The following FRMD4A variants were observed in gnomAD, a reference collection of about 807,000 sequenced individuals.
FRMD4A encodes FERM domain containing 4A.
Under a neutral mutation model 129.1 loss-of-function variants are expected in FRMD4A, and 29 were observed. That is an observed-to-expected ratio of 0.22 (90% CI 0.17 to 0.31). The LOEUF (loss-of-function observed/expected upper bound fraction) is 0.31, where lower values mean the gene tolerates loss of function less well. Among genes scored for constraint, FRMD4A ranks in the 10% least tolerant of loss-of-function variants. The pLI is 1.00. For missense variants in FRMD4A, 1,272 were observed against 1,375.8 expected (o/e 0.92, Z 1.19); for synonymous variants, 634 against 571.6 (o/e 1.11, Z -1.56).
intron 2 of FRMD4A, among the ~76,000 whole-genome samples, chr10:14,250,530 T>A (rs1472211922): frequency 6.6e-6 from 1 of 152,228 alleles, no homozygotes; most frequent in East Asian, 1.9e-4. Context: ...GGTCTCTCTA[T>A]TACAACTGCC....
intron 2 of FRMD4A, among the ~76,000 whole-genome samples, chr10:14,032,183 T>C (rs1291731089): frequency 5.9e-5 from 9 of 152,130 alleles, no homozygotes; most frequent in Admixed American, 5.9e-4. Flanking sequence ...ACACATATTA[T>C]TGAAAAAAAT....
At chr10:13,698,749 C>T (rs1160865827) in intron 14 of FRMD4A, among the ~76,000 whole-genome samples, 1 of 152,192 alleles carries the variant, frequency 6.6e-6, no homozygotes, top group Non-Finnish European at 1.5e-5. Flanking sequence ...GGATGAAAGA[C>T]CCACCCGGGG....
At chr10:13,876,477 T>C (rs767262244) in intron 2 of FRMD4A, among the ~76,000 whole-genome samples, 16 of 152,216 alleles carry the variant, frequency 1.1e-4, no homozygotes, top group Non-Finnish European at 1.8e-4. Flanking sequence ...TGTAATTCTG[T>C]GCAGAAGAGT....
At chr10:13,839,615 T>G (rs937833314) in intron 3 of FRMD4A, among the ~76,000 whole-genome samples, 1 of 152,186 alleles carries the variant, frequency 6.6e-6, no homozygotes, top group Non-Finnish European at 1.5e-5. Flanking sequence ...TTAAGACACA[T>G]GGACTTTTCC....
chr10:14,330,099 C>T lies in FRMD4A; in HGVS notation c.4G>A (p.Ala2Thr). Residue 2 changes from alanine (A) to threonine (T), a missense_variant, in exon 2 of 25, where the codon GCA (alanine) becomes ACA (threonine). Ala to Thr is a moderately conservative substitution (Grantham distance 58). Transcript: ENST00000357447. M[A>T]VQLVPDSALG... ...GCTGAGTCGGGCACCAGCTGCACTG[C>T]CATGGTCTCCGATTCCCATGCACGA... 1 of 1,552,840 alleles carries T rather than the reference C, an allele frequency of 6.4e-7. No individual in the cohort carries two copies. Among genetic ancestry groups the T allele is most frequent in the Non-Finnish European group, 8.7e-7 (1 of 1,147,576 alleles).
chr10:13,957,060 T>C (rs893491941), intron 2 of FRMD4A, among the ~76,000 whole-genome samples: 1 of 152,208 alleles, frequency 6.6e-6, no homozygotes, highest in Admixed American at 6.5e-5. Context: ...AAGGCGTCAG[T>C]GGCTCTGAAC....
chr10:14,158,384 G>T (rs1431720576), intron 2 of FRMD4A, among the ~76,000 whole-genome samples: 1 of 152,158 alleles, frequency 6.6e-6, no homozygotes, highest in East Asian at 1.9e-4. Context: ...GCCGAGGCAG[G>T]AAGACTGCTT....
intron 2 of FRMD4A, among the ~76,000 whole-genome samples, chr10:14,061,634 G>A (rs1384994409): frequency 1.3e-5 from 2 of 152,098 alleles, no homozygotes; most frequent in African/African-American, 4.8e-5. Context: ...TCTGATTTCT[G>A]TTCAGTGTCT....
intron 3 of FRMD4A, among the ~76,000 whole-genome samples, chr10:13,816,039 G>C (rs1268687142): frequency 6.6e-6 from 1 of 152,142 alleles, no homozygotes; most frequent in African/African-American, 2.4e-5. Context: ...TGCCTGGCTG[G>C]AACAAACTTC....
intron 2 of FRMD4A, among the ~76,000 whole-genome samples, chr10:14,243,914 T>C (rs1218386): frequency 0.82 from 124,765 of 151,690 alleles, 51,588 homozygotes; most frequent in Non-Finnish European, 0.87. Context: ...GGGCCCTCAG[T>C]TGTATATCTA....
intron 2 of FRMD4A, among the ~76,000 whole-genome samples, chr10:14,154,270 G>A (rs1245724965): frequency 6.6e-6 from 1 of 152,162 alleles, no homozygotes; most frequent in Admixed American, 6.5e-5. Flanking sequence ...AGCCAAAGCT[G>A]AAGACGAGTG....
intron 2 of FRMD4A, among the ~76,000 whole-genome samples, chr10:14,088,226 C>T (rs922578371): frequency 3.3e-5 from 5 of 151,870 alleles, no homozygotes; most frequent in African/African-American, 9.7e-5. Context: ...GTAAGAGGAA[C>T]GCTTGATTCC....
At chr10:13,713,651 G>A (rs866619483) in intron 12 of FRMD4A, among the ~76,000 whole-genome samples, 2 of 151,466 alleles carry the variant, frequency 1.3e-5, no homozygotes, top group African/African-American at 4.9e-5. Flanking sequence ...TAAAATGTGA[G>A]AGCACCCAGA....
intron 2 of FRMD4A, among the ~76,000 whole-genome samples, chr10:14,062,740 T>A (rs1392991124): frequency 6.6e-6 from 1 of 152,156 alleles, no homozygotes; most frequent in Non-Finnish European, 1.5e-5. Context: ...ACTTCAGGTG[T>A]GATTGATTCA....
At chr10:13,984,648 G>T (rs923454382) in intron 2 of FRMD4A, among the ~76,000 whole-genome samples, 9 of 152,096 alleles carry the variant, frequency 5.9e-5, no homozygotes, top group African/African-American at 2.2e-4. Flanking sequence ...TTTGTGACTG[G>T]CTTATTTCAC....
At chr10:14,186,957 CAA>C (rs112675339) in intron 2 of FRMD4A, among the ~76,000 whole-genome samples, 1 of 139,600 alleles carries the variant, frequency 7.2e-6, no homozygotes, top group Non-Finnish European at 1.6e-5. Flanking sequence ...CTCGTCTCTG[CAA>C]AAAAAAAAAA....
In FRMD4A at chr10:14,319,349, C is replaced by CCTCTCTCTCTCTCTCTCTCT. The variant is rs10645584; in HGVS notation, c.45+10708_45+10709insAGAGAGAGAGAGAGAGAGAG. 5.4e-3 allele frequency among the ~76,000 whole-genome samples: 737 copies of CCTCTCTCTCTCTCTCTCTCT among 137,354 alleles called. 12 individuals carry two copies. The highest frequency in any genetic ancestry group is 7.9e-3 in the Non-Finnish European group (508 of 64,710). 90.1% of individuals were successfully genotyped at this position (137,354 alleles called of 152,430 possible). On this transcript the variant is annotated intron_variant, in intron 2 of 24. Transcript: ENST00000357447. The stretch of plus-strand genomic sequence containing the variant: ...CAGTAGTAACTGAATATCTCTCTCT[C>CCTCTCTCTCTCTCTCTCTCT]CTCTCTCTCTCTCTCTCTCACACAC...
chr10:13,895,245 T>C (rs1328430285), intron 2 of FRMD4A, among the ~76,000 whole-genome samples: 1 of 152,194 alleles, frequency 6.6e-6, no homozygotes, highest in African/African-American at 2.4e-5. Flanking sequence ...TCTCACCCTC[T>C]ATCCTGTGAT....
At chr10:14,071,015 C>A (rs118026220) in intron 2 of FRMD4A, among the ~76,000 whole-genome samples, 102 of 152,330 alleles carry the variant, frequency 6.7e-4, no homozygotes, top group Middle Eastern at 3.4e-3. Context: ...AGTAAGTATT[C>A]TCTGGAAAAA....
Sources: gnomAD v4.1 joint callset for allele counts (sites outside exome capture counted in the v4.1 genomes callset) on GRCh38, gnomAD v4.1.1 for gene constraint, MANE v1.5 for transcripts, NCBI Gene and HGNC (gene_info 2026-07-23, HGNC 2026-07-21) for gene names.